The following HSD17B12 variants were observed in gnomAD, a reference collection of about 807,000 sequenced individuals.
HSD17B12 encodes the protein very-long-chain 3-oxoacyl-CoA reductase.
A neutral mutation model predicts 39.3 loss-of-function variants in HSD17B12; 32 were observed. That is an observed-to-expected ratio of 0.81 (90% CI 0.61 to 1.09). The LOEUF (loss-of-function observed/expected upper bound fraction) is 1.09. Ranked by LOEUF, HSD17B12 falls within the 50% of genes least tolerant of loss-of-function variation. HSD17B12 has a pLI of 0.00. For synonymous variants in HSD17B12, 150 were observed against 146.7 expected (o/e 1.02, Z -0.16); for missense variants, 342 against 382.9 (o/e 0.89, Z 0.89).
intron 1 of HSD17B12, among the ~76,000 whole-genome samples, chr11:43,743,638 A>T: frequency 6.6e-6 from 1 of 152,216 alleles, no homozygotes. Context: ...CCCAGCAGCC[A>T]GAAGACTGGA....
intron 1 of HSD17B12, among the ~76,000 whole-genome samples, chr11:43,683,252 G>A (rs1347435071): frequency 6.6e-6 from 1 of 152,076 alleles, no homozygotes; most frequent in East Asian, 1.9e-4. Flanking sequence ...GGCCCCAGAG[G>A]AAGGATAATT....
chr11:43,809,096 T>C (rs1951045425), intron 4 of HSD17B12, among the ~76,000 whole-genome samples: 1 of 152,192 alleles, frequency 6.6e-6, no homozygotes, highest in Non-Finnish European at 1.5e-5. Flanking sequence ...TCCACTTTGA[T>C]TCTGGTCATA....
intron 7 of HSD17B12, among the ~76,000 whole-genome samples, chr11:43,835,355 C>T (rs923247391): frequency 2.0e-5 from 3 of 152,102 alleles, no homozygotes; most frequent in Admixed American, 1.3e-4. Context: ...TTGTGCCTTG[C>T]AGTCCCAAAT....
chr11:43,655,196 G>A, the HSD17B12 span, among the ~76,000 whole-genome samples: 306 of 152,176 alleles, frequency 2.0e-3, 1 homozygote, highest in Non-Finnish European at 3.1e-3. Context: ...TCATGGTTTG[G>A]CTCTCTGTTT....
chr11:43,685,408 G>T (rs1246455139), intron 1 of HSD17B12, among the ~76,000 whole-genome samples: 2 of 152,170 alleles, frequency 1.3e-5, no homozygotes, highest in African/African-American at 2.4e-5. Flanking sequence ...TTAATAGTAG[G>T]TGTCTTTCTT....
intron 1 of HSD17B12, among the ~76,000 whole-genome samples, chr11:43,739,682 T>G (rs1336499647): frequency 7.6e-5 from 7 of 92,112 alleles, no homozygotes; most frequent in Admixed American, 6.6e-4. Flanking sequence ...CTTACTACTG[T>G]CACATTGGCC....
At chr11:43,717,004 G>C (rs1950130042) in intron 1 of HSD17B12, among the ~76,000 whole-genome samples, 1 of 152,004 alleles carries the variant, frequency 6.6e-6, no homozygotes, top group African/African-American at 2.4e-5. Context: ...TTTTGACCTT[G>C]CTTTTTTTCT....
chr11:43,715,027 G>C (rs1950107702), intron 1 of HSD17B12, among the ~76,000 whole-genome samples: 1 of 152,184 alleles, frequency 6.6e-6, no homozygotes, highest in South Asian at 2.1e-4. Context: ...ATTTTGGGCT[G>C]AGACGATGGG....
chr11:43,810,161 G>C (rs1951056331), intron 4 of HSD17B12, among the ~76,000 whole-genome samples: 2 of 151,900 alleles, frequency 1.3e-5, no homozygotes, highest in Admixed American at 6.6e-5. Flanking sequence ...ATTGTTGTTT[G>C]CTCCTCTCTC....
At chr11:43,854,448 A>C (rs181019719) in intron 9 of HSD17B12, 21 of 369,978 alleles carry the variant, frequency 5.7e-5, no homozygotes, top group African/African-American at 4.4e-4. Flanking sequence ...TCCTTTTTAA[A>C]GGTTCAAAAA....
the HSD17B12 span, among the ~76,000 whole-genome samples, chr11:43,594,968 G>T: frequency 6.6e-6 from 1 of 151,992 alleles, no homozygotes; most frequent in African/African-American, 2.4e-5. Context: ...GACCACTGTG[G>T]TATTTCTACA....
At chr11:43,576,056 C>T in the HSD17B12 span, among the ~76,000 whole-genome samples, 1 of 152,096 alleles carries the variant, frequency 6.6e-6, no homozygotes, top group Admixed American at 6.5e-5. Flanking sequence ...CTATGCCCCC[C>T]CACCCCCTAC....
At chr11:43,714,718 A>G (rs1233945186) in intron 1 of HSD17B12, among the ~76,000 whole-genome samples, 2 of 152,166 alleles carry the variant, frequency 1.3e-5, no homozygotes, top group Admixed American at 1.3e-4. Context: ...CTTGGGCAGA[A>G]TGGCCATTTT....
chr11:43,610,795 T>C, the HSD17B12 span, among the ~76,000 whole-genome samples: 2 of 152,156 alleles, frequency 1.3e-5, no homozygotes, highest in African/African-American at 4.8e-5. Flanking sequence ...TATCCATCAG[T>C]GGAATGTGTG....
chr11:43,839,365 C>G (rs1951402888), intron 8 of HSD17B12, among the ~76,000 whole-genome samples: 1 of 152,108 alleles, frequency 6.6e-6, no homozygotes, highest in African/African-American at 2.4e-5. Flanking sequence ...CTTATCTGTT[C>G]TACTCCATGG....
chr11:43,564,339 G>A, the HSD17B12 span, among the ~76,000 whole-genome samples: 1 of 152,148 alleles, frequency 6.6e-6, no homozygotes, highest in Admixed American at 6.5e-5. Context: ...CACTACAAAG[G>A]TTATTTGCTT....
chr11:43,847,123 G>A (rs545256580), intron 9 of HSD17B12, among the ~76,000 whole-genome samples: 19 of 152,264 alleles, frequency 1.2e-4, no homozygotes, highest in Admixed American at 4.6e-4. Flanking sequence ...GAGTAACTCC[G>A]TCTGCAGTGC....
At chr11:43,763,650 T>C (rs541709864) in intron 3 of HSD17B12, among the ~76,000 whole-genome samples, 1 of 148,518 alleles carries the variant, frequency 6.7e-6, no homozygotes, top group African/African-American at 2.4e-5. Flanking sequence ...AAGATATATA[T>C]ATAGAGAGAG....
chr11:43,636,651 C>T, the HSD17B12 span, among the ~76,000 whole-genome samples: 4 of 151,766 alleles, frequency 2.6e-5, no homozygotes, highest in African/African-American at 7.3e-5. Context: ...TAAGAGACTC[C>T]GATTAAATAA....
Sources: allele counts gnomAD v4.1 joint callset (sites outside exome capture counted in the v4.1 genomes callset), GRCh38; gene constraint gnomAD v4.1.1; transcripts MANE v1.5; gene names NCBI Gene and HGNC (gene_info 2026-07-23, HGNC 2026-07-21).